Variants in PRUNE2 observed in about 807,000 individuals in gnomAD.
PRUNE2 encodes the protein prune homolog 2 with BCH domain.
A neutral mutation model predicts 252.0 loss-of-function variants in PRUNE2; 164 were observed. The ratio of observed to expected loss-of-function variants is 0.65; its 90% CI spans 0.57 to 0.74. The LOEUF (loss-of-function observed/expected upper bound fraction) is 0.74. Among genes scored for constraint, PRUNE2 ranks in the 30% least tolerant of loss-of-function variants. The pLI, the probability that PRUNE2 is intolerant of heterozygous loss-of-function variation, is 0.00. For missense variants in PRUNE2, 3,495 were observed against 3,711.0 expected (o/e 0.94, Z 1.51); for synonymous variants, 1,292 against 1,350.2 (o/e 0.96, Z 0.94).
At chr9:76,615,162 A>G (rs1828818975) in intron 18 of PRUNE2, 1 of 985,574 alleles carries the variant, frequency 1.0e-6, no homozygotes, top group Non-Finnish European at 1.2e-6. Flanking sequence ...TGGGTTCCCA[A>G]GTATCTGAGG....
chr9:76,861,705 C>T (rs2060557762), intron 1 of PRUNE2, among the ~76,000 whole-genome samples: 1 of 151,922 alleles, frequency 6.6e-6, no homozygotes, highest in Non-Finnish European at 1.5e-5. Context: ...CCTCAAATAT[C>T]ATTTATATAC....
At position 76,705,604 on chromosome 9, in the gene PRUNE2, T is replaced by C; in HGVS notation, c.6670A>G (p.Arg2224Gly). ...GCCACATTTTCAATCCTTGGGATTCTTCTGTCAACTGGTTCCAAAATTGGT... is the reference window on the plus strand; with the variant it reads ...GCCACATTTTCAATCCTTGGGATTCCTCTGTCAACTGGTTCCAAAATTGGT... ...MAPILEPVDR[R>G]IPRIENVATS... The change falls in exon 8 of 19, where the codon AGA (arginine) becomes GGA (glycine). Residue 2224 changes from arginine to glycine, a missense_variant. Coordinates refer to ENST00000376718, the MANE Select transcript of PRUNE2 (RefSeq NM_015225.3). 1 of 1,614,048 alleles carries C rather than the reference T, an allele frequency of 6.2e-7. No homozygotes were observed. Among genetic ancestry groups the C allele is most frequent in the Non-Finnish European group, 8.5e-7 (1 of 1,179,878 alleles).
chr9:76,736,477 C>G (rs1188711068), intron 6 of PRUNE2: 2 of 152,318 alleles, frequency 1.3e-5, no homozygotes, highest in East Asian at 1.9e-4. Flanking sequence ...AGCTTATAAA[C>G]AACAGAAATT....
chr9:76,816,481 T>C (rs2057703002), intron 6 of PRUNE2, among the ~76,000 whole-genome samples: 1 of 152,208 alleles, frequency 6.6e-6, no homozygotes, highest in Admixed American at 6.5e-5. Context: ...GCTAATGTCC[T>C]CAAGAAGCTA....
chr9:76,706,338 T>C lies in PRUNE2; in HGVS notation c.5936A>G (p.Glu1979Gly), dbSNP rs779524238. 1.9e-6 allele frequency: 3 copies of C among 1,614,030 alleles called. No individual in the cohort carries two copies. The East Asian group carries it at 6.7e-5, about 36-fold the overall frequency. Reference protein sequence around the residue: ...HPDTAFTHAEENSCVTSNVST... With the variant: ...HPDTAFTHAEGNSCVTSNVST... ...AACATTAGATGTAACACAACTATTT[T>C]CCTCTGCGTGAGTAAAGGCTGTGTC... is the stretch of plus-strand genomic sequence containing the variant. The change falls in exon 8 of 19, where the codon GAA becomes GGA. Residue 1979 changes from glutamate (E) to glycine (G), a missense_variant. Physicochemically the swap from Glu to Gly is moderately conservative, Grantham distance 98. Transcript: ENST00000376718.
intron 6 of PRUNE2, among the ~76,000 whole-genome samples, chr9:76,744,587 C>T (rs146240959): frequency 1.3e-3 from 192 of 152,300 alleles, no homozygotes; most frequent in African/African-American, 4.3e-3. Context: ...AGAATATGAA[C>T]TTGCTGAGAC....
At position 76,868,847 on chromosome 9, in the gene PRUNE2, G is replaced by GC. The variant is rs1554818918; in HGVS notation, c.37-14640_37-14639insG. 5 of 122,878 alleles carry GC rather than the reference G, an allele frequency of 4.1e-5. No individual in the cohort carries two copies. In the East Asian group the frequency reaches 1.2e-3, roughly 29 times the overall value. The allele number at this position is 122,878 out of a possible 1,614,324, so 7.6% of individuals were successfully genotyped here. On this transcript the variant is annotated intron_variant, in intron 1 of 18. Coordinates refer to ENST00000376718, the MANE Select transcript of PRUNE2 (RefSeq NM_015225.3). ...CAGATCCTTGGGGGGTGGGGGGGGG[G>GC]GCGGGGGGGAAGGAAAGGCTTCTGC...
chr9:76,905,960 C>T lies in PRUNE2; in HGVS notation c.4G>A (p.Glu2Lys). The change falls in exon 1 of 19, where the codon GAA (glutamate) becomes AAA (lysine). Residue 2 changes from glutamate to lysine, a missense_variant. Coordinates refer to ENST00000376718, the MANE Select transcript of PRUNE2 (RefSeq NM_015225.3). MEEFLQRAKSKL... is the reference protein window; with the variant it reads MKEFLQRAKSKL... ...GATTTGGCGCGTTGCAAAAATTCTT[C>T]CATGTCGTGGCTAGGGGTTTGGAAC... 2.5e-6 allele frequency: 4 copies of T among 1,614,208 alleles called. No individual in the cohort carries two copies. The South Asian group carries it at 4.4e-5, about 18-fold the overall frequency.
chr9:76,794,119 A>G (rs1359737806), intron 6 of PRUNE2, among the ~76,000 whole-genome samples: 1 of 152,206 alleles, frequency 6.6e-6, no homozygotes, highest in Non-Finnish European at 1.5e-5. Context: ...TATATCAGGA[A>G]CTACTGAGAA....
At chr9:76,782,931 T>C (rs1160282133) in intron 6 of PRUNE2, 1 of 152,228 alleles carries the variant, frequency 6.6e-6, no homozygotes, top group Non-Finnish European at 1.5e-5. Context: ...TCTGCAAATG[T>C]CCTGGGTCTT....
intron 6 of PRUNE2, among the ~76,000 whole-genome samples, chr9:76,735,728 T>G (rs983695603): frequency 6.6e-6 from 1 of 152,206 alleles, no homozygotes; most frequent in African/African-American, 2.4e-5. Flanking sequence ...AGAACAATAT[T>G]GGCTTTTCTA....
rs551074543 is a variant in PRUNE2 at position 76,616,727 on chromosome 9, C to T, written c.9237-2127G>A. Among the ~76,000 whole-genome samples the T allele has an allele frequency of 2.0e-5, 3 of 152,214 alleles. No homozygotes were observed. In the South Asian group the frequency reaches 6.2e-4, roughly 32 times the overall value. ...TGAACAATTTTCTTGTAAGTAAATA[C>T]AGGAAACCACTTGGAAGGTTAATAT... On this transcript the variant is annotated intron_variant, in intron 18 of 18. Transcript: ENST00000376718.
intron 6 of PRUNE2, among the ~76,000 whole-genome samples, chr9:76,798,203 GT>G (rs2056271347): frequency 6.6e-6 from 1 of 152,156 alleles, no homozygotes; most frequent in Non-Finnish European, 1.5e-5. Context: ...GAAGTATTAA[GT>G]ATATTCACAT....
intron 9 of PRUNE2, 98 bp downstream of exon 9, chr9:76,703,239 A>C: frequency 1.8e-6 from 2 of 1,082,288 alleles, no homozygotes; most frequent in Non-Finnish European, 2.6e-6. Context: ...AGCTGCTATC[A>C]TCCAGGTATT....
At chr9:76,788,909 G>T (rs1403922444) in intron 6 of PRUNE2, among the ~76,000 whole-genome samples, 1 of 152,132 alleles carries the variant, frequency 6.6e-6, no homozygotes, top group Non-Finnish European at 1.5e-5. Flanking sequence ...CTTCAAGATG[G>T]AGTTAAGGTA....
In PRUNE2 at chr9:76,850,591, C is replaced by T. The variant is rs142442874; in HGVS notation, c.216G>A (p.Thr72=). The T allele has an allele frequency of 2.5e-6, 4 of 1,614,018 alleles. No homozygotes were observed. Among genetic ancestry groups the T allele is most frequent in the East Asian group, 4.5e-5 (2 of 44,880 alleles). ...PRTEFNYFTE[T]RFILEELNIS... ...TATTTAGCTCTTCTAAAATAAACCT[C>T]GTCTCGGTGAAGTAGTTGAATTCAG... Residue 72 remains threonine, a synonymous_variant, in exon 3 of 19, where the codon ACG becomes ACA. Transcript: ENST00000376718.
rs139939805 is a variant in PRUNE2, at chr9:76,706,640, G to A, written c.5634C>T (p.Pro1878=). The A allele has an allele frequency of 2.0e-4, 319 of 1,613,832 alleles. 3 individuals carry two copies. The African/African-American group carries it at 3.4e-3, about 17-fold the overall frequency. ...WGVPVQGDIE[P]VETHYTNPFS... ...AAGGATTAGTATAGTGTGTTTCCAC[G>A]GGCTCAATATCACCCTGAACTGGTA... The change falls in exon 8 of 19, where the codon CCC becomes CCT. Residue 1878 remains proline, a synonymous_variant. Coordinates refer to ENST00000376718, the MANE Select transcript of PRUNE2 (RefSeq NM_015225.3).
intron 6 of PRUNE2, among the ~76,000 whole-genome samples, chr9:76,741,099 A>T (rs890971825): frequency 2.0e-5 from 3 of 152,238 alleles, no homozygotes; most frequent in Admixed American, 6.5e-5. Flanking sequence ...TCCATTAAGT[A>T]TAATACATTT....
intron 9 of PRUNE2, among the ~76,000 whole-genome samples, chr9:76,661,108 T>A (rs966124833): frequency 6.6e-6 from 1 of 152,152 alleles, no homozygotes; most frequent in Admixed American, 6.5e-5. Flanking sequence ...TAGCAGGTAA[T>A]GTCACCAAGA....
Sources: gnomAD v4.1 joint callset for allele counts (sites outside exome capture counted in the v4.1 genomes callset) on GRCh38, gnomAD v4.1.1 for gene constraint, MANE v1.5 for transcripts, NCBI Gene and HGNC (gene_info 2026-07-23, HGNC 2026-07-21) for gene names.